IL1RAPL1: variants seen among roughly 807,000 people sequenced by gnomAD.
IL1RAPL1 encodes the protein interleukin 1 receptor accessory protein like 1.
In IL1RAPL1, 3 loss-of-function variants were observed where a neutral mutation model predicts 48.4. The ratio of observed to expected loss-of-function variants is 0.06; its 90% confidence interval spans 0.03 to 0.16. IL1RAPL1 has a LOEUF of 0.16. Among genes scored for constraint, IL1RAPL1 ranks in the 10% least tolerant of loss-of-function variants. IL1RAPL1 has a pLI of 1.00. For missense variants in IL1RAPL1, 349 were observed against 530.6 expected (o/e 0.66, Z 3.36); for synonymous variants, 185 against 187.7 (o/e 0.99, Z 0.12).
chrX:28,913,205 G>A, intron 2 of IL1RAPL1, among the ~76,000 whole-genome samples: 1 of 111,420 alleles, frequency 9.0e-6, no homozygotes. Flanking sequence ...AATAATCATT[G>A]GGTATTTTGG....
At chrX:28,762,955 A>C (rs1936194498) in intron 1 of IL1RAPL1, among the ~76,000 whole-genome samples, 1 of 110,990 alleles carries the variant, frequency 9.0e-6, no homozygotes, top group South Asian at 3.8e-4. Flanking sequence ...TTAGCTTTTT[A>C]TGCCAGCTTT....
chrX:29,807,621 C>CAAAAAAAA lies in IL1RAPL1; in HGVS notation c.779-109822_779-109815dup, dbSNP rs60391165. ...CAGAGCAAGACTCTGTCTCTCAAGA[C>CAAAAAAAA]AAAAAAAAAAAAAAAAAAAAAAAAA... On this transcript the variant is annotated intron_variant, in intron 6 of 10. Transcript: ENST00000378993. Among the ~76,000 whole-genome samples the CAAAAAAAA allele has an allele frequency of 3.7e-3, 96 of 26,021 alleles. 3 individuals carry two copies. The highest frequency in any genetic ancestry group is 6.3e-3 in the Admixed American group (7 of 1,114). The allele number at this position is 26,021 out of a possible 115,157, so 22.6% of individuals were successfully genotyped here.
rs866654416 is a variant in IL1RAPL1 at position 28,992,503 on chromosome X, A to G, written c.82+203078A>G. ...AGACTCTGTCTCAAAAAAAAAAAAG[A>G]AAAAAAAAAAAAAAGAAGAAAAAAA... On this transcript the variant is annotated intron_variant, in intron 2 of 10. Coordinates refer to ENST00000378993, the MANE Select transcript of IL1RAPL1 (RefSeq NM_014271.4). 5.1e-3 allele frequency among the ~76,000 whole-genome samples: 492 copies of G among 96,985 alleles called. 1 individual carries two copies. The highest frequency in any genetic ancestry group is 8.3e-3 in the Non-Finnish European group (407 of 49,012). The allele number at this position is 96,985 out of a possible 115,157, so 84.2% of individuals were successfully genotyped here.
chrX:29,551,663 C>T (rs780261006), intron 5 of IL1RAPL1, among the ~76,000 whole-genome samples: 1 of 111,356 alleles, frequency 9.0e-6, no homozygotes, highest in Non-Finnish European at 1.9e-5. Flanking sequence ...CAATCAAGCT[C>T]ATTAATATAT....
chrX:28,965,167 G>A (rs975189166), intron 2 of IL1RAPL1, among the ~76,000 whole-genome samples: 6 of 111,382 alleles, frequency 5.4e-5, no homozygotes, highest in Admixed American at 9.6e-5. Context: ...CATACTACAG[G>A]TTGAAAAAGA....
At chrX:29,625,477 C>T (rs1348940414) in intron 5 of IL1RAPL1, among the ~76,000 whole-genome samples, 1 of 111,543 alleles carries the variant, frequency 9.0e-6, no homozygotes, top group East Asian at 2.8e-4. Flanking sequence ...TGGACAAATA[C>T]CTCCTTATTA....
intron 1 of IL1RAPL1, among the ~76,000 whole-genome samples, chrX:28,624,847 A>T (rs1934320521): frequency 8.9e-6 from 1 of 112,136 alleles, no homozygotes; most frequent in Admixed American, 9.5e-5. Context: ...GTTAGTTTTT[A>T]AATATGAATA....
At chrX:28,745,347 G>T (rs1642589278) in intron 1 of IL1RAPL1, among the ~76,000 whole-genome samples, 1 of 111,406 alleles carries the variant, frequency 9.0e-6, no homozygotes, top group African/African-American at 3.3e-5. Flanking sequence ...CTATAGTATT[G>T]GCTTAAGAAT....
intron 2 of IL1RAPL1, among the ~76,000 whole-genome samples, chrX:28,978,551 C>G (rs965994694): frequency 4.5e-5 from 5 of 111,730 alleles, no homozygotes; most frequent in African/African-American, 1.6e-4. Flanking sequence ...TGGGGTGATG[C>G]CTTGCTTTAG....
chrX:29,796,746 C>T (rs1042733349), intron 6 of IL1RAPL1, among the ~76,000 whole-genome samples: 2 of 112,757 alleles, frequency 1.8e-5, no homozygotes, highest in Admixed American at 9.4e-5. Context: ...TCTCTTTTAG[C>T]TTCTGTCTAA....
At chrX:29,481,136 T>A (rs1362788612) in intron 5 of IL1RAPL1, among the ~76,000 whole-genome samples, 2 of 112,636 alleles carry the variant, frequency 1.8e-5, no homozygotes, top group Non-Finnish European at 3.7e-5. Flanking sequence ...CTGCTTCATT[T>A]GGCTAAAATG....
intron 3 of IL1RAPL1, among the ~76,000 whole-genome samples, chrX:29,378,699 G>A (rs1388611717): frequency 1.8e-5 from 2 of 112,262 alleles, no homozygotes; most frequent in African/African-American, 6.5e-5. Context: ...TAGGAATAAC[G>A]GTCAGTAGAT....
Position 29,956,177 on chromosome X carries a change from C to A in IL1RAPL1, c.*357C>A, listed in dbSNP as rs1241597045. 2.3e-5 allele frequency: 5 copies of A among 219,457 alleles called. No individual in the cohort carries two copies. The Admixed American group carries it at 3.5e-4, about 15-fold the overall frequency. The allele number at this position is 219,457 out of a possible 1,213,427, so 18.1% of individuals were successfully genotyped here. A position where few individuals can be genotyped will look rare whatever the true frequency, so the allele number is the denominator to read the frequency against. On this transcript the variant is annotated 3_prime_UTR_variant, in exon 11 of 11. Transcript: ENST00000378993. ...TTTTATTTCCTTTTTTAAAATTTTA[C>A]TTTGCTTTTAACATTTCCTTGGGGT...
At chrX:29,684,026 G>A (rs192884447) in intron 6 of IL1RAPL1, among the ~76,000 whole-genome samples, 2 of 111,728 alleles carry the variant, frequency 1.8e-5, no homozygotes, top group East Asian at 2.8e-4. Flanking sequence ...GTAACTCAAA[G>A]GATAAATGCT....
At chrX:28,937,150 T>G (rs1924037603) in intron 2 of IL1RAPL1, among the ~76,000 whole-genome samples, 1 of 111,575 alleles carries the variant, frequency 9.0e-6, no homozygotes, top group Admixed American at 9.6e-5. Context: ...TATATCTGTC[T>G]AAAAATTTAC....
chrX:28,728,981 G>T (rs1185749620), intron 1 of IL1RAPL1, among the ~76,000 whole-genome samples: 2 of 111,491 alleles, frequency 1.8e-5, no homozygotes, highest in East Asian at 5.6e-4. Flanking sequence ...CACTTTAAAA[G>T]TTATTTTAAA....
At chrX:29,618,556 G>A (rs1244631418) in intron 5 of IL1RAPL1, among the ~76,000 whole-genome samples, 1 of 111,766 alleles carries the variant, frequency 8.9e-6, no homozygotes, top group Non-Finnish European at 1.9e-5. Context: ...CCAGCTTCTA[G>A]AGGCTGCATT....
intron 1 of IL1RAPL1, among the ~76,000 whole-genome samples, chrX:28,591,373 A>G (rs1343121006): frequency 1.8e-5 from 2 of 112,323 alleles, no homozygotes. Flanking sequence ...ATTTTAAAGA[A>G]CAGTTGAACT....
chrX:28,890,230 A>C (rs2147319213), intron 2 of IL1RAPL1, among the ~76,000 whole-genome samples: 1 of 111,621 alleles, frequency 9.0e-6, no homozygotes, highest in East Asian at 2.8e-4. Flanking sequence ...CTGACTTGAA[A>C]AGCTCAGGCA....
Sources: allele counts gnomAD v4.1 joint callset (sites outside exome capture counted in the v4.1 genomes callset), GRCh38; gene constraint gnomAD v4.1.1; transcripts MANE v1.5; gene names NCBI Gene and HGNC (gene_info 2026-07-23, HGNC 2026-07-21).